The following EBF1 variants were observed in gnomAD, a reference collection of about 807,000 sequenced individuals.
The protein encoded by EBF1 is transcription factor COE1.
EBF1 carries 10 observed loss-of-function variants against 68.4 expected under a neutral mutation model. The ratio of observed to expected loss-of-function variants is 0.15; its 90% CI spans 0.09 to 0.25. The LOEUF (loss-of-function observed/expected upper bound fraction) is 0.25. Ranked by LOEUF, EBF1 falls within the 10% of genes least tolerant of loss-of-function variation. EBF1 has a pLI of 1.00. For synonymous variants in EBF1, 298 were observed against 299.8 expected (o/e 0.99, Z 0.06); for missense variants, 509 against 794.4 (o/e 0.64, Z 4.32).
chr5:158,706,516 C>T (rs1230961450), intron 15 of EBF1, among the ~76,000 whole-genome samples: 1 of 152,184 alleles, frequency 6.6e-6, no homozygotes, highest in East Asian at 1.9e-4. Context: ...AGGAGAATCA[C>T]TATATGCTCA....
intron 7 of EBF1, among the ~76,000 whole-genome samples, chr5:158,836,910 A>G (rs1481522484): frequency 2.0e-5 from 3 of 152,172 alleles, no homozygotes; most frequent in African/African-American, 7.2e-5. Flanking sequence ...CTATTTTAGG[A>G]CCCATTTGAG....
At chr5:158,743,525 A>G (rs751019160) in intron 10 of EBF1, among the ~76,000 whole-genome samples, 6 of 152,238 alleles carry the variant, frequency 3.9e-5, no homozygotes, top group Non-Finnish European at 8.8e-5. Context: ...TTAAAGAGCC[A>G]TAGAAGTAAA....
intron 6 of EBF1, among the ~76,000 whole-genome samples, chr5:159,054,874 G>T (rs1181336828): frequency 2.6e-5 from 4 of 152,080 alleles, no homozygotes; most frequent in Admixed American, 2.6e-4. Context: ...AAATGTGTTG[G>T]TCCACGTGCC....
At chr5:158,781,776 T>C (rs1776492062) in intron 9 of EBF1, among the ~76,000 whole-genome samples, 1 of 152,234 alleles carries the variant, frequency 6.6e-6, no homozygotes, top group South Asian at 2.1e-4. Context: ...AGGCTGTCAC[T>C]GTTTCTTACA....
chr5:158,775,783 G>T (rs771877005), intron 10 of EBF1, among the ~76,000 whole-genome samples: 139 of 129,586 alleles, frequency 1.1e-3, no homozygotes, highest in African/African-American at 3.3e-3. Flanking sequence ...CATGCACACA[G>T]ACACACACAC....
intron 10 of EBF1, among the ~76,000 whole-genome samples, chr5:158,737,357 C>T (rs1392921980): frequency 5.1e-5 from 7 of 137,212 alleles, no homozygotes; most frequent in African/African-American, 1.9e-4. Flanking sequence ...GATCTCGGCT[C>T]GCTGCAAACT....
intron 8 of EBF1, among the ~76,000 whole-genome samples, chr5:158,805,856 T>A (rs1316456900): frequency 2.6e-5 from 4 of 152,064 alleles, no homozygotes; most frequent in African/African-American, 9.7e-5. Flanking sequence ...TTCTTCTTTT[T>A]TTTTCTATTA....
intron 5 of EBF1, among the ~76,000 whole-genome samples, chr5:159,080,267 C>G (rs1025523869): frequency 3.9e-5 from 6 of 152,152 alleles, no homozygotes; most frequent in Non-Finnish European, 5.9e-5. Context: ...TACCCAACTA[C>G]AAGTATTTCC....
intron 7 of EBF1, among the ~76,000 whole-genome samples, chr5:158,829,613 T>G (rs964401582): frequency 6.6e-6 from 1 of 152,156 alleles, no homozygotes; most frequent in African/African-American, 2.4e-5. Context: ...TGAGAAGGTA[T>G]TATATTTCTG....
At chr5:159,032,596 C>T (rs983815548) in intron 6 of EBF1, among the ~76,000 whole-genome samples, 15 of 152,154 alleles carry the variant, frequency 9.9e-5, no homozygotes, top group East Asian at 5.8e-4. Flanking sequence ...TGGCAGATTC[C>T]GGGTTACATT....
intron 5 of EBF1, among the ~76,000 whole-genome samples, chr5:159,084,186 T>C (rs924908556): frequency 4.0e-5 from 6 of 151,560 alleles, no homozygotes; most frequent in Non-Finnish European, 8.8e-5. Flanking sequence ...AAAACCCACA[T>C]GCAATTTAAG....
At chr5:158,868,600 G>A (rs981683753) in intron 6 of EBF1, among the ~76,000 whole-genome samples, 37 of 152,198 alleles carry the variant, frequency 2.4e-4, no homozygotes, top group African/African-American at 5.5e-4. Context: ...ACTGAGCAAC[G>A]TCTGATGCTC....
intron 7 of EBF1, among the ~76,000 whole-genome samples, chr5:158,836,466 G>A (rs1418347321): frequency 6.6e-6 from 1 of 152,140 alleles, no homozygotes; most frequent in South Asian, 2.1e-4. Context: ...CAAAAAGGGT[G>A]TAATGTCTGC....
At chr5:158,728,850 C>A (rs1474491764) in intron 11 of EBF1, among the ~76,000 whole-genome samples, 1 of 152,194 alleles carries the variant, frequency 6.6e-6, no homozygotes, top group African/African-American at 2.4e-5. Flanking sequence ...CCAGCATGAG[C>A]CACTGCTCGA....
intron 10 of EBF1, among the ~76,000 whole-genome samples, chr5:158,756,089 T>G (rs780979490): frequency 2.0e-5 from 3 of 152,116 alleles, no homozygotes; most frequent in Non-Finnish European, 4.4e-5. Flanking sequence ...GGCTGCTAAC[T>G]TGCTGAATGT....
At chr5:158,940,853 T>C (rs1003828573) in intron 6 of EBF1, among the ~76,000 whole-genome samples, 1 of 143,818 alleles carries the variant, frequency 7.0e-6, no homozygotes, top group Non-Finnish European at 1.5e-5. Context: ...GGACTATCTC[T>C]GGAATAAAAC....
At chr5:158,839,298 A>G (rs1310800454) in intron 7 of EBF1, among the ~76,000 whole-genome samples, 4 of 152,210 alleles carry the variant, frequency 2.6e-5, no homozygotes, top group African/African-American at 9.7e-5. Flanking sequence ...GTGAGCAGAG[A>G]GAAGCAAAGG....
intron 8 of EBF1, among the ~76,000 whole-genome samples, chr5:158,815,304 C>G (rs941223987): frequency 6.6e-6 from 1 of 152,160 alleles, no homozygotes; most frequent in Non-Finnish European, 1.5e-5. Flanking sequence ...TGTTATTAGG[C>G]AGACCTAAGG....
At chr5:158,752,524 T>C (rs996651496) in intron 10 of EBF1, among the ~76,000 whole-genome samples, 7 of 152,058 alleles carry the variant, frequency 4.6e-5, no homozygotes, top group Admixed American at 2.6e-4. Flanking sequence ...GACAAGAGAA[T>C]GTTAAAGTAA....
Sources: gnomAD v4.1 joint callset for allele counts (sites outside exome capture counted in the v4.1 genomes callset) on GRCh38, gnomAD v4.1.1 for gene constraint, MANE v1.5 for transcripts, NCBI Gene and HGNC (gene_info 2026-07-23, HGNC 2026-07-21) for gene names.